TRHDE: variants seen among roughly 807,000 people sequenced by gnomAD.
TRHDE encodes the protein thyrotropin-releasing hormone-degrading ectoenzyme.
TRHDE carries 72 observed loss-of-function variants against 125.7 expected under a neutral mutation model. That is an observed-to-expected ratio of 0.57 (90% confidence interval 0.47 to 0.70). The LOEUF (loss-of-function observed/expected upper bound fraction) is 0.70, where lower values mean the gene tolerates loss of function less well. Ranked by LOEUF, TRHDE falls within the 30% of genes least tolerant of loss-of-function variation. The pLI, the probability that TRHDE is intolerant of heterozygous loss-of-function variation, is 0.00. For synonymous variants in TRHDE, 509 were observed against 509.1 expected (o/e 1.00, Z 0.00); for missense variants, 1,110 against 1,327.1 (o/e 0.84, Z 2.54).
In TRHDE at chr12:72,663,291, A is replaced by G; in HGVS notation, c.*96A>G. ...AAAATGTACTACCTAGAAAATGGCC[A>G]GATTTTCAGTGTTAACGTGTGGGAG... On this transcript the variant is annotated 3_prime_UTR_variant, in exon 19 of 19. Coordinates refer to ENST00000261180, the MANE Select transcript of TRHDE (RefSeq NM_013381.3). 1 of 1,034,030 alleles carries G rather than the reference A, an allele frequency of 9.7e-7. No individual in the cohort carries two copies. The highest frequency in any genetic ancestry group is 1.3e-6 in the Non-Finnish European group (1 of 765,762). The allele number at this position is 1,034,030 out of a possible 1,614,324, so 64.1% of individuals were successfully genotyped here. A position where few individuals can be genotyped will look rare whatever the true frequency, so the allele number is the denominator to read the frequency against.
Position 72,630,680 on chromosome 12 carries a change from T to C in TRHDE, c.2675+8929T>C, listed in dbSNP as rs544441123. On this transcript the variant is annotated intron_variant, in intron 15 of 18. Coordinates refer to ENST00000261180, the MANE Select transcript of TRHDE (RefSeq NM_013381.3). The stretch of plus-strand genomic sequence containing the variant: ...AAATTTTTCACTTTAACAAACTTCA[T>C]CCTTATTTTTACTTAAGATTTACAT... 7.2e-5 allele frequency among the ~76,000 whole-genome samples: 11 copies of C among 151,898 alleles called. No homozygotes were observed. In the South Asian group the frequency reaches 1.0e-3, roughly 14 times the overall value.
rs139823243 is a variant in TRHDE, at chr12:72,418,257, T to A, written c.1315+40136T>A. The stretch of plus-strand genomic sequence containing the variant: ...TTTGTGTTCAATTTTAGTGGCAGAA[T>A]GTAAGGTAAATATTAATTAAGGATT... On this transcript the variant is annotated intron_variant, in intron 3 of 18. Transcript: ENST00000261180. 1.9e-4 allele frequency among the ~76,000 whole-genome samples: 29 copies of A among 152,170 alleles called. No individual in the cohort carries two copies. The East Asian group carries it at 5.2e-3, about 27-fold the overall frequency.
intron 15 of TRHDE, among the ~76,000 whole-genome samples, chr12:72,634,802 T>A (rs1011062036): frequency 6.6e-6 from 1 of 151,630 alleles, no homozygotes; most frequent in African/African-American, 2.4e-5. Context: ...ATTTCCAATT[T>A]CATCCATGTC....
chr12:72,224,162 GTATGTATCTATCTATCTATC>G (rs1878071915), intron 2 of TRHDE, among the ~76,000 whole-genome samples: 2 of 27,044 alleles, frequency 7.4e-5, no homozygotes, highest in African/African-American at 2.3e-4. Context: ...ATGTATGTAT[GTATGTATCTATCTATCTATC>G]TATCTATCTA....
intron 4 of TRHDE, among the ~76,000 whole-genome samples, chr12:72,472,712 G>A (rs1317345054): frequency 6.6e-6 from 1 of 152,180 alleles, no homozygotes; most frequent in Admixed American, 6.5e-5. Context: ...TTTGTCCCTT[G>A]TAGGGTCACA....
chr12:72,088,147 C>G (rs1266517413), intron 1 of TRHDE, among the ~76,000 whole-genome samples: 1 of 152,068 alleles, frequency 6.6e-6, no homozygotes, highest in Non-Finnish European at 1.5e-5. Context: ...CTGAGTAAGT[C>G]CCAGCAGTGG....
intron 2 of TRHDE, among the ~76,000 whole-genome samples, chr12:72,227,938 A>C (rs144058271): frequency 1.3e-5 from 2 of 152,196 alleles, no homozygotes; most frequent in Non-Finnish European, 2.9e-5. Context: ...GTGGCCTCCC[A>C]TGGCCTTGGG....
At chr12:72,205,581 A>T (rs1260633053) in intron 2 of TRHDE, among the ~76,000 whole-genome samples, 2 of 152,138 alleles carry the variant, frequency 1.3e-5, no homozygotes, top group Admixed American at 6.5e-5. Flanking sequence ...ATTACTTTAG[A>T]TATCCCATGT....
At chr12:72,619,136 T>C in intron 13 of TRHDE, 98 bp downstream of exon 13, 1 of 966,510 alleles carries the variant, frequency 1.0e-6, no homozygotes, top group Non-Finnish European at 1.4e-6. Flanking sequence ...TTATTTTAGT[T>C]TGTTCTTCTA....
At chr12:72,368,877 T>G (rs1871451574) in intron 2 of TRHDE, among the ~76,000 whole-genome samples, 1 of 152,166 alleles carries the variant, frequency 6.6e-6, no homozygotes, top group Non-Finnish European at 1.5e-5. Context: ...CTGGCACCAG[T>G]GCTGTGTTTC....
At chr12:72,543,679 T>C (rs920509605) in intron 7 of TRHDE, among the ~76,000 whole-genome samples, 1 of 151,378 alleles carries the variant, frequency 6.6e-6, no homozygotes, top group African/African-American at 2.4e-5. Flanking sequence ...AGCAAGTTGA[T>C]GTGAAATCAT....
chr12:72,492,431 G>T (rs1877724291), intron 5 of TRHDE, among the ~76,000 whole-genome samples: 1 of 151,884 alleles, frequency 6.6e-6, no homozygotes, highest in African/African-American at 2.4e-5. Context: ...TAGGAAATTT[G>T]AAGTCTACAT....
At chr12:72,500,414 A>T (rs1428496968) in intron 6 of TRHDE, among the ~76,000 whole-genome samples, 1 of 151,812 alleles carries the variant, frequency 6.6e-6, no homozygotes, top group African/African-American at 2.4e-5. Flanking sequence ...TTCTTTTGAG[A>T]TGGAGTCTCA....
chr12:72,467,264 C>T (rs548532508), intron 3 of TRHDE, among the ~76,000 whole-genome samples: 140 of 148,930 alleles, frequency 9.4e-4, no homozygotes, highest in Non-Finnish European at 7.4e-4. Flanking sequence ...CCCTGGTATA[C>T]GATGTTCCCC....
At chr12:72,215,465 A>G (rs1198469862) in intron 2 of TRHDE, among the ~76,000 whole-genome samples, 1 of 152,178 alleles carries the variant, frequency 6.6e-6, no homozygotes, top group Non-Finnish European at 1.5e-5. Flanking sequence ...AGTGCACCCT[A>G]TCCATGACCT....
intron 2 of TRHDE, among the ~76,000 whole-genome samples, chr12:72,364,559 C>T (rs1871265772): frequency 6.6e-6 from 1 of 151,978 alleles, no homozygotes; most frequent in Admixed American, 6.6e-5. Context: ...ACAGAGTAGC[C>T]TCTCAATAAA....
At chr12:72,188,786 G>A (rs1877280732) in intron 2 of TRHDE, among the ~76,000 whole-genome samples, 1 of 152,218 alleles carries the variant, frequency 6.6e-6, no homozygotes, top group African/African-American at 2.4e-5. Context: ...TAGGGAAGGG[G>A]AAGGCATGCC....
At chr12:72,604,099 A>G (rs1445181186) in intron 12 of TRHDE, among the ~76,000 whole-genome samples, 1 of 152,214 alleles carries the variant, frequency 6.6e-6, no homozygotes, top group Non-Finnish European at 1.5e-5. Context: ...TCTGTAAACT[A>G]GGAAAATTTA....
intron 1 of TRHDE, among the ~76,000 whole-genome samples, chr12:72,094,547 T>C (rs1001182087): frequency 7.2e-5 from 11 of 152,212 alleles, no homozygotes; most frequent in Non-Finnish European, 2.9e-5. Flanking sequence ...GGTGCATATC[T>C]CTTCCAGTCC....
Sources: gnomAD v4.1 joint callset for allele counts (sites outside exome capture counted in the v4.1 genomes callset) on GRCh38, gnomAD v4.1.1 for gene constraint, MANE v1.5 for transcripts, NCBI Gene and HGNC (gene_info 2026-07-23, HGNC 2026-07-21) for gene names.